STAG1: variants seen among roughly 807,000 people sequenced by gnomAD.
STAG1 encodes the protein cohesin subunit SA-1.
In STAG1, 26 loss-of-function variants were observed where a neutral mutation model predicts 170.9. The observed-to-expected ratio is 0.15, with a 90% CI of 0.11 to 0.21. The LOEUF is 0.21. Ranked by LOEUF, STAG1 falls within the 10% of genes least tolerant of loss-of-function variation. STAG1 has a pLI of 1.00. For synonymous variants in STAG1, 514 were observed against 497.7 expected (o/e 1.03, Z -0.44); for missense variants, 964 against 1,509.5 (o/e 0.64, Z 5.99).
At chr3:136,551,926 TGAGA>T (rs890122637) in intron 5 of STAG1, among the ~76,000 whole-genome samples, 4 of 150,032 alleles carry the variant, frequency 2.7e-5, no homozygotes, top group East Asian at 2.1e-4. Context: ...AGAGAGACAC[TGAGA>T]GAGAGAGAGG....
intron 1 of STAG1, among the ~76,000 whole-genome samples, chr3:136,710,170 G>A (rs1943343508): frequency 6.6e-6 from 1 of 152,166 alleles, no homozygotes; most frequent in South Asian, 2.1e-4. Flanking sequence ...ACATGCTGGG[G>A]TTTTTGTTCT....
chr3:136,486,314 C>A (rs1576519771), intron 9 of STAG1, among the ~76,000 whole-genome samples: 1 of 152,174 alleles, frequency 6.6e-6, no homozygotes, highest in East Asian at 1.9e-4. Context: ...ACATCCTTGC[C>A]TGACATTTGG....
intron 22 of STAG1, among the ~76,000 whole-genome samples, chr3:136,380,245 A>ATT (rs199882004): frequency 1.4e-4 from 21 of 144,898 alleles, no homozygotes; most frequent in African/African-American, 5.0e-4. Flanking sequence ...AGGCCATAGG[A>ATT]TTTTTTTTTT....
At chr3:136,736,651 C>G in intron 1 of STAG1, 1 of 1,604,460 alleles carries the variant, frequency 6.2e-7, no homozygotes, top group Non-Finnish European at 8.5e-7. Flanking sequence ...TCCCGTTTGG[C>G]TTTTTCTTGA....
intron 9 of STAG1, among the ~76,000 whole-genome samples, chr3:136,496,187 A>T (rs958060021): frequency 6.6e-6 from 1 of 152,008 alleles, no homozygotes; most frequent in African/African-American, 2.4e-5. Flanking sequence ...AAAAACACAG[A>T]AAGTACTCCT....
In STAG1 at chr3:136,654,955, G is replaced by A. The variant is rs140108539; in HGVS notation, c.-83-23974C>T. Among the ~76,000 whole-genome samples, 167 of 152,194 alleles carry A rather than the reference G, an allele frequency of 1.1e-3. 1 individual carries two copies. Among genetic ancestry groups the A allele is most frequent in the African/African-American group, 3.9e-3 (161 of 41,518 alleles). ...AAACTGGGTAGCCACATGCAAATTT[G>A]GACCCTTATTTAACACTAAATACAA... On this transcript the variant is annotated intron_variant, in intron 1 of 33. Transcript: ENST00000383202.
intron 13 of STAG1, among the ~76,000 whole-genome samples, chr3:136,463,747 G>GTA (rs1559817307): frequency 1.2e-5 from 1 of 80,030 alleles, no homozygotes; most frequent in Non-Finnish European, 2.5e-5. Context: ...GTGTGTGTGT[G>GTA]TGTGTGTGTG....
intron 14 of STAG1, among the ~76,000 whole-genome samples, chr3:136,448,912 A>G (rs917713201): frequency 6.6e-6 from 1 of 151,862 alleles, no homozygotes; most frequent in African/African-American, 2.4e-5. Context: ...GCACTCCAGC[A>G]AGACTCCATC....
At chr3:136,479,010 T>C (rs1033312178) in intron 9 of STAG1, among the ~76,000 whole-genome samples, 10 of 151,800 alleles carry the variant, frequency 6.6e-5, no homozygotes, top group South Asian at 2.1e-4. Context: ...CTTAGAATTC[T>C]ACCTGGCATC....
chr3:136,578,339 T>C (rs535408141), intron 4 of STAG1, among the ~76,000 whole-genome samples: 4 of 152,292 alleles, frequency 2.6e-5, no homozygotes, highest in East Asian at 3.9e-4. Context: ...TCTTGGGCAG[T>C]AGATAACATT....
chr3:136,686,966 T>TAA (rs1942550775), intron 1 of STAG1, among the ~76,000 whole-genome samples: 1 of 152,176 alleles, frequency 6.6e-6, no homozygotes, highest in Admixed American at 6.5e-5. Context: ...CCACTGTTTA[T>TAA]AAGGGGCTAA....
At chr3:136,581,758 G>A (rs1937594627) in intron 4 of STAG1, among the ~76,000 whole-genome samples, 1 of 151,730 alleles carries the variant, frequency 6.6e-6, no homozygotes, top group South Asian at 2.1e-4. Context: ...CAATCAAAAT[G>A]GAAATGAAAA....
intron 1 of STAG1, among the ~76,000 whole-genome samples, chr3:136,703,546 CT>C (rs914635909): frequency 5.3e-5 from 8 of 152,126 alleles, no homozygotes; most frequent in East Asian, 1.9e-4. Flanking sequence ...ACACAGAAAA[CT>C]TTTTTTCTTT....
chr3:136,347,548 C>A (rs960714456), intron 29 of STAG1, among the ~76,000 whole-genome samples: 5 of 151,872 alleles, frequency 3.3e-5, no homozygotes, highest in African/African-American at 1.2e-4. Flanking sequence ...GAAAGGAAAT[C>A]TTAAACTTTG....
At chr3:136,573,125 A>T (rs1396807209) in intron 4 of STAG1, among the ~76,000 whole-genome samples, 1 of 151,858 alleles carries the variant, frequency 6.6e-6, no homozygotes, top group Non-Finnish European at 1.5e-5. Flanking sequence ...GTTGCAATGA[A>T]CTGTGATCTT....
intron 5 of STAG1, among the ~76,000 whole-genome samples, chr3:136,563,728 A>G (rs1936938021): frequency 6.6e-6 from 1 of 151,844 alleles, no homozygotes; most frequent in South Asian, 2.1e-4. Flanking sequence ...CTAAAAACAT[A>G]TCCAGAGAAA....
intron 1 of STAG1, among the ~76,000 whole-genome samples, chr3:136,750,373 C>G (rs893101180): frequency 4.6e-5 from 7 of 152,072 alleles, no homozygotes; most frequent in African/African-American, 1.4e-4. Flanking sequence ...CACCACAAAC[C>G]CAGGGGACGT....
At chr3:136,345,735 G>GT (rs1936197365) in intron 29 of STAG1, among the ~76,000 whole-genome samples, 1 of 152,084 alleles carries the variant, frequency 6.6e-6, no homozygotes, top group Non-Finnish European at 1.5e-5. Flanking sequence ...TCAGAGATGT[G>GT]TGTGTTAGGT....
intron 16 of STAG1, among the ~76,000 whole-genome samples, chr3:136,425,797 TA>T (rs897704565): frequency 1.3e-5 from 2 of 150,498 alleles, no homozygotes; most frequent in South Asian, 2.1e-4. Context: ...AGAAAGTAAT[TA>T]AAAAATAAGA....
Sources: gnomAD v4.1 joint callset for allele counts (sites outside exome capture counted in the v4.1 genomes callset) on GRCh38, gnomAD v4.1.1 for gene constraint, MANE v1.5 for transcripts, NCBI Gene and HGNC (gene_info 2026-07-23, HGNC 2026-07-21) for gene names.